DYNC2I1: variants seen among roughly 807,000 people sequenced by gnomAD.
The protein encoded by DYNC2I1 is cytoplasmic dynein 2 intermediate chain 1.
In DYNC2I1, 89 loss-of-function variants were observed where a neutral mutation model predicts 133.4. That is an observed-to-expected ratio of 0.67 (90% CI 0.56 to 0.80). The LOEUF is 0.80. Among genes scored for constraint, DYNC2I1 ranks in the 30% least tolerant of loss-of-function variants. The pLI, the probability that DYNC2I1 is intolerant of heterozygous loss-of-function variation, is 0.00. For missense variants in DYNC2I1, 1,291 were observed against 1,314.5 expected, an observed-to-expected ratio of 0.98 and a Z score of 0.28; for synonymous variants, 504 against 484.3, an observed-to-expected ratio of 1.04 and a Z score of -0.54.
chr7:158,855,988 T>C (rs1437386591), upstream of DYNC2I1, among the ~76,000 whole-genome samples: 27 of 148,824 alleles, frequency 1.8e-4, no homozygotes, highest in African/African-American at 6.5e-4. Flanking sequence ...GTCGCCCAGG[T>C]TGGAGTGCAG....
At chr7:158,867,641 T>C (rs1169663203) in intron 1 of DYNC2I1, among the ~76,000 whole-genome samples, 2 of 151,792 alleles carry the variant, frequency 1.3e-5, no homozygotes, top group Non-Finnish European at 2.9e-5. Flanking sequence ...GGTTAGGGTT[T>C]GGGGGTGGCG....
At chr7:158,930,912 C>T (rs1364497446) in intron 21 of DYNC2I1, among the ~76,000 whole-genome samples, 2 of 152,112 alleles carry the variant, frequency 1.3e-5, no homozygotes, top group East Asian at 3.9e-4. Flanking sequence ...AGGTGATCCA[C>T]CCACCTCAGC....
intron 3 of DYNC2I1, among the ~76,000 whole-genome samples, chr7:158,872,490 C>G (rs1382681374): frequency 6.6e-6 from 1 of 151,444 alleles, no homozygotes; most frequent in Non-Finnish European, 1.5e-5. Context: ...AAAAATTAAG[C>G]CAGGCATGGT....
At chr7:158,937,342 C>G (rs939992123) in intron 23 of DYNC2I1, among the ~76,000 whole-genome samples, 9 of 152,040 alleles carry the variant, frequency 5.9e-5, no homozygotes. Context: ...AATACACAAT[C>G]AATGCTGGGC....
chr7:158,952,764 G>A (rs1852093307), intron 4 of DYNC2I1, among the ~76,000 whole-genome samples: 1 of 151,842 alleles, frequency 6.6e-6, no homozygotes, highest in African/African-American at 2.4e-5. Context: ...AGAAAAGGAG[G>A]GTGAACCCCC....
intron 5 of DYNC2I1, among the ~76,000 whole-genome samples, chr7:158,883,727 A>C (rs1482969709): frequency 7.4e-6 from 1 of 135,830 alleles, no homozygotes; most frequent in Non-Finnish European, 1.5e-5. Flanking sequence ...GCATTGGCGC[A>C]ATCTCGGCTC....
intron 21 of DYNC2I1, 33 bp from the exon 22 acceptor site, chr7:158,934,096 C>G: frequency 7.5e-7 from 1 of 1,336,002 alleles, no homozygotes. Context: ...TGGAAACAGT[C>G]CATCTGTTCA....
intron 10 of DYNC2I1, chr7:158,902,871 C>T (rs1298334668): frequency 2.4e-6 from 1 of 411,902 alleles, no homozygotes; most frequent in Non-Finnish European, 4.3e-6. Context: ...CGTGGCCCCA[C>T]TCAGTGAGCA....
At chr7:158,872,368 C>G (rs973526822) in intron 3 of DYNC2I1, among the ~76,000 whole-genome samples, 1 of 152,192 alleles carries the variant, frequency 6.6e-6, no homozygotes, top group Non-Finnish European at 1.5e-5. Flanking sequence ...CGCGGTGGCT[C>G]ACGCCTGTAA....
chr7:158,949,369 C>G (rs73514561), downstream of DYNC2I1, among the ~76,000 whole-genome samples: 2,267 of 152,376 alleles, frequency 0.015, 57 homozygotes, highest in African/African-American at 0.051. Flanking sequence ...CTGAGCTGAT[C>G]TGTCCTGGAA....
chr7:158,949,206 G>A (rs1851977775), downstream of DYNC2I1, among the ~76,000 whole-genome samples: 1 of 152,388 alleles, frequency 6.6e-6, no homozygotes, highest in East Asian at 1.9e-4. Context: ...ATGCCAAAAT[G>A]TAATTTCGCC....
intron 15 of DYNC2I1, among the ~76,000 whole-genome samples, chr7:158,921,040 T>C (rs1297481794): frequency 6.6e-6 from 1 of 152,170 alleles, no homozygotes; most frequent in Non-Finnish European, 1.5e-5. Context: ...AGTTCAGCAG[T>C]GAGTAGGACG....
At chr7:158,926,329 C>T (rs1216039391) in intron 18 of DYNC2I1, 29 bp downstream of exon 18, 1 of 1,603,364 alleles carries the variant, frequency 6.2e-7, no homozygotes, top group African/African-American at 1.3e-5. Context: ...TCTTAAAATC[C>T]TTCATCAATG....
chr7:158,947,286 T>C (rs1385170860), downstream of DYNC2I1, among the ~76,000 whole-genome samples: 1 of 152,142 alleles, frequency 6.6e-6, no homozygotes, highest in East Asian at 1.9e-4. Context: ...ACACGGCCTC[T>C]CGAGTCCACA....
At chr7:158,852,410 G>T (rs1306103539), upstream of DYNC2I1, among the ~76,000 whole-genome samples, 1 of 151,096 alleles carries the variant, frequency 6.6e-6, no homozygotes, top group Non-Finnish European at 1.5e-5. Context: ...ATGAGCCACC[G>T]CGCCCGGCCT....
At chr7:158,919,920 A>T (rs1848847782) in intron 15 of DYNC2I1, among the ~76,000 whole-genome samples, 1 of 152,252 alleles carries the variant, frequency 6.6e-6, no homozygotes, top group South Asian at 2.1e-4. Context: ...CAGCAGATGC[A>T]TGAGAGCGGC....
the DYNC2I1 span, among the ~76,000 whole-genome samples, chr7:158,848,364 G>A: frequency 1.3e-5 from 2 of 152,116 alleles, no homozygotes; most frequent in Non-Finnish European, 2.9e-5. Flanking sequence ...TAAATATTGA[G>A]GGTAAAAGGG....
chr7:158,876,691 G>A lies in DYNC2I1; in HGVS notation c.573G>A (p.Lys191=). 6.4e-7 allele frequency: 1 copy of A among 1,561,130 alleles called. No individual in the cohort carries two copies. Among genetic ancestry groups the A allele is most frequent in the African/African-American group, 1.4e-5 (1 of 72,024 alleles). The change falls in exon 4 of 25, where the codon AAG becomes AAA. Residue 191 remains lysine, a splice_region_variant and synonymous_variant. Coordinates refer to ENST00000407559, the MANE Select transcript of DYNC2I1 (RefSeq NM_018051.5). ...GAGAAAGAAGATACCGAGAAAGAAA[G>A]GTATACGAAGCAAGGCCTGGGGAAA... ...EDRERRYRER[K]LQYGDSKDNP... is the part of the protein sequence containing the mutation.
chr7:158,841,189 A>T, the DYNC2I1 span, among the ~76,000 whole-genome samples: 6 of 73,108 alleles, frequency 8.2e-5, no homozygotes, highest in African/African-American at 3.9e-4. Context: ...ATATATATAT[A>T]TATATATATA....
Sources: allele counts gnomAD v4.1 joint callset (sites outside exome capture counted in the v4.1 genomes callset), GRCh38; gene constraint gnomAD v4.1.1; transcripts MANE v1.5; gene names NCBI Gene and HGNC (gene_info 2026-07-23, HGNC 2026-07-21).